Variants in PDE10A observed in about 807,000 individuals in gnomAD.
PDE10A encodes the protein cAMP and cAMP-inhibited cGMP 3',5'-cyclic phosphodiesterase 10A.
A neutral mutation model predicts 97.7 loss-of-function variants in PDE10A; 39 were observed. The observed-to-expected ratio is 0.40, with a 90% CI of 0.31 to 0.52. The LOEUF (loss-of-function observed/expected upper bound fraction) is 0.52. PDE10A is among the 20% of genes least tolerant of loss of function. The probability of loss-of-function intolerance (pLI) is 0.56; values close to 1 mark genes in which losing one functional copy is unlikely to be tolerated. For missense variants in PDE10A, 731 were observed against 1,047.8 expected (o/e 0.70, Z 4.17); for synonymous variants, 371 against 376.8 (o/e 0.98, Z 0.18).
At chr6:165,452,305 A>G (rs1471756294) in intron 3 of PDE10A, among the ~76,000 whole-genome samples, 1 of 152,260 alleles carries the variant, frequency 6.6e-6, no homozygotes, top group African/African-American at 2.4e-5. Context: ...GCAAAGCTGC[A>G]GAGGAATTTG....
chr6:165,738,745 G>T (rs1220158648), intron 1 of PDE10A, among the ~76,000 whole-genome samples: 1 of 152,138 alleles, frequency 6.6e-6, no homozygotes, highest in Non-Finnish European at 1.5e-5. Flanking sequence ...GTTTTGATTT[G>T]CATTTCTCTG....
chr6:165,869,807 C>T (rs879821419), intron 1 of PDE10A, among the ~76,000 whole-genome samples: 14 of 152,146 alleles, frequency 9.2e-5, no homozygotes, highest in Non-Finnish European at 1.9e-4. Context: ...TTACAGCAAA[C>T]TGATTTTTGA....
intron 1 of PDE10A, among the ~76,000 whole-genome samples, chr6:165,831,478 C>CTTTTTTTTTT (rs200237321): frequency 0.021 from 2,789 of 133,700 alleles, 145 homozygotes; most frequent in African/African-American, 0.076. Flanking sequence ...TTGCAGGAGT[C>CTTTTTTTTTT]TTTTTTTTTT....
At chr6:165,360,278 A>T (rs1327881525) in intron 18 of PDE10A, among the ~76,000 whole-genome samples, 1 of 152,140 alleles carries the variant, frequency 6.6e-6, no homozygotes, top group African/African-American at 2.4e-5. Flanking sequence ...CAGGTATGAG[A>T]AACTCAGGCC....
chr6:165,663,912 A>G (rs922233770), upstream of PDE10A, among the ~76,000 whole-genome samples: 6 of 152,176 alleles, frequency 3.9e-5, no homozygotes, highest in African/African-American at 1.2e-4. Flanking sequence ...GAGCCGCCCA[A>G]TGGGCGCTCA....
At position 165,943,210 on chromosome 6, in the gene PDE10A, AGAAAGAAAGAAAGAAAGAAAGAAAGAAG is replaced by A. The variant is rs1474083262; in HGVS notation, c.-615+44291_-615+44318del. On this transcript the variant is annotated intron_variant, in intron 1 of 19. Coordinates refer to the PDE10A transcript ENST00000366882. ...AAGAAAGAAAGAAAGAAAGAAAGAA[AGAAAGAAAGAAAGAAAGAAAGAAAGAAG>A]GAAGGAAGGAAGGAAGGAAGGAAGG... 4.9e-3 allele frequency among the ~76,000 whole-genome samples: 434 copies of A among 88,318 alleles called. 6 individuals carry two copies. The highest frequency in any genetic ancestry group is 7.5e-3 in the Non-Finnish European group (330 of 43,794). 57.9% of individuals were successfully genotyped at this position (88,318 alleles called of 152,430 possible). A position where few individuals can be genotyped will look rare whatever the true frequency, so the allele number is the denominator to read the frequency against.
chr6:165,797,376 C>T (rs972829822), intron 1 of PDE10A, among the ~76,000 whole-genome samples: 1 of 152,162 alleles, frequency 6.6e-6, no homozygotes, highest in Non-Finnish European at 1.5e-5. Flanking sequence ...GATTATTTTT[C>T]TAAAGCTATC....
rs892712088 is a variant in PDE10A at position 165,334,782 on chromosome 6, A to C, written c.3065+1341T>G. Among the ~76,000 whole-genome samples, 6 of 152,194 alleles carry C rather than the reference A, an allele frequency of 3.9e-5. 1 individual carries two copies. Among genetic ancestry groups the C allele is most frequent in the Non-Finnish European group, 8.8e-5 (6 of 68,026 alleles). On this transcript the variant is annotated intron_variant, in intron 21 of 21. Coordinates refer to ENST00000539869, the MANE Select transcript of PDE10A (RefSeq NM_001385079.1). ...GCTCAACAGAACAAGGTGGGATGCT[A>C]CGTTTATATCCACAGGAGCAGGAAG... is the stretch of plus-strand genomic sequence containing the variant.
At position 165,655,246 on chromosome 6, in the gene PDE10A, G is replaced by A. The variant is rs1789882317; in HGVS notation, c.865+6701C>T. Among the ~76,000 whole-genome samples, 1 of 152,114 alleles carries A rather than the reference G, an allele frequency of 6.6e-6. No individual in the cohort carries two copies. The highest frequency in any genetic ancestry group is 2.4e-5 in the African/African-American group (1 of 41,420). On this transcript the variant is annotated intron_variant, in intron 1 of 21. Coordinates refer to ENST00000539869, the MANE Select transcript of PDE10A (RefSeq NM_001385079.1). The surrounding 1 kb of genome is among the most constrained non-coding windows in gnomAD (Gnocchi z 4.5). ...CATGATTTTAGATGCTGTGACTGCA[G>A]TTTCTATGCTGCAGTCTTGAACGAT...
chr6:165,532,647 C>T (rs1237475920), intron 2 of PDE10A, among the ~76,000 whole-genome samples: 1 of 152,074 alleles, frequency 6.6e-6, no homozygotes, highest in Non-Finnish European at 1.5e-5. Context: ...CAGGCTCCTC[C>T]ACCAGAGGTT....
At chr6:165,890,087 A>C (rs1272915026) in intron 1 of PDE10A, among the ~76,000 whole-genome samples, 50 of 89,664 alleles carry the variant, frequency 5.6e-4, no homozygotes, top group Admixed American at 8.3e-4. Flanking sequence ...CTCACTCCTC[A>C]CTCCTCCCTC....
At chr6:165,866,296 A>G (rs2453390) in intron 1 of PDE10A, among the ~76,000 whole-genome samples, 120,287 of 151,280 alleles carry the variant, frequency 0.8, 48,327 homozygotes, top group East Asian at 0.96. Context: ...ATATATGACC[A>G]CATCTGTTGA....
At chr6:165,674,803 A>C (rs1304157275) in intron 1 of PDE10A, among the ~76,000 whole-genome samples, 1 of 152,226 alleles carries the variant, frequency 6.6e-6, no homozygotes, top group African/African-American at 2.4e-5. Context: ...CACTTCCGGC[A>C]TAAACTTCCA....
chr6:165,866,761 G>A (rs1781065852), intron 1 of PDE10A, among the ~76,000 whole-genome samples: 1 of 150,650 alleles, frequency 6.6e-6, no homozygotes, highest in Non-Finnish European at 1.5e-5. Context: ...AATCTAACAG[G>A]CCAGGAAAAA....
At chr6:165,918,746 C>A (rs1288035851) in intron 1 of PDE10A, among the ~76,000 whole-genome samples, 1 of 151,832 alleles carries the variant, frequency 6.6e-6, no homozygotes, top group African/African-American at 2.4e-5. Context: ...CTCATTTCTC[C>A]TGCACAGGTT....
intron 17 of PDE10A, among the ~76,000 whole-genome samples, chr6:165,379,932 G>GTACC (rs1016981804): frequency 1.6e-4 from 24 of 151,954 alleles, no homozygotes; most frequent in Non-Finnish European, 3.2e-4. Flanking sequence ...AAGGGCAAGA[G>GTACC]TACCTTTCCC....
At chr6:165,984,902 C>A (rs1261663219) in intron 1 of PDE10A, among the ~76,000 whole-genome samples, 1 of 152,154 alleles carries the variant, frequency 6.6e-6, no homozygotes, top group Admixed American at 6.5e-5. Flanking sequence ...TGGAAACGGA[C>A]GCAAGCCATG....
At chr6:165,940,925 A>G (rs138312004) in intron 1 of PDE10A, among the ~76,000 whole-genome samples, 55 of 152,316 alleles carry the variant, frequency 3.6e-4, no homozygotes, top group African/African-American at 1.3e-3. Context: ...GATAGAACTT[A>G]AATTGTTTCA....
intron 18 of PDE10A, among the ~76,000 whole-genome samples, chr6:165,376,223 C>T (rs1350384108): frequency 2.0e-5 from 3 of 152,242 alleles, no homozygotes; most frequent in African/African-American, 7.2e-5. Context: ...ATTCATGATT[C>T]ACAGGAGGTA....
Sources: allele counts gnomAD v4.1 joint callset (sites outside exome capture counted in the v4.1 genomes callset), GRCh38; gene constraint gnomAD v4.1.1; non-coding constraint Gnocchi (gnomAD v3.1); transcripts MANE v1.5; gene names NCBI Gene and HGNC (gene_info 2026-07-23, HGNC 2026-07-21).